Variants in GALM observed in about 807,000 individuals in gnomAD.
GALM encodes the protein aldose 1-epimerase.
GALM carries 43 observed loss-of-function variants against 37.4 expected under a neutral mutation model. That is an observed-to-expected ratio of 1.15 (90% CI 0.90 to 1.48). GALM has a LOEUF of 1.48. Ranked by LOEUF, GALM falls within the 40% of genes most tolerant of loss-of-function variation. GALM has a pLI of 0.00. For synonymous variants in GALM, 199 were observed against 170.6 expected, an observed-to-expected ratio of 1.17 and a Z score of -1.30; for missense variants, 456 against 419.1, an observed-to-expected ratio of 1.09 and a Z score of -0.77.
intron 4 of GALM, among the ~76,000 whole-genome samples, chr2:38,708,129 A>G (rs1666078208): frequency 6.7e-6 from 1 of 149,988 alleles, no homozygotes; most frequent in African/African-American, 2.4e-5. Context: ...AAATAAAATA[A>G]AATAAAATAA....
intron 4 of GALM, among the ~76,000 whole-genome samples, chr2:38,699,330 A>G (rs1194201903): frequency 1.3e-5 from 2 of 152,248 alleles, no homozygotes; most frequent in Non-Finnish European, 2.9e-5. Flanking sequence ...TTTACAATGT[A>G]TAAGGATCAA....
rs767825537 is a variant in GALM, at chr2:38,695,686, CTTGT to C, written c.634+5800_634+5803del. 4.0e-5 allele frequency among the ~76,000 whole-genome samples: 6 copies of C among 149,928 alleles called. No homozygotes were observed. The East Asian group carries it at 5.8e-4, about 14-fold the overall frequency. On this transcript the variant is annotated intron_variant, in intron 4 of 6. Coordinates refer to ENST00000272252, the MANE Select transcript of GALM (RefSeq NM_138801.3). The stretch of plus-strand genomic sequence containing the variant: ...ATGTGTGTGTGGTTTTGTTTGTTTG[CTTGT>C]TTGTTTGCTTGTTTGTTTTTTGAGA...
chr2:38,685,732 T>G (rs1460750611), intron 3 of GALM, among the ~76,000 whole-genome samples: 1 of 149,300 alleles, frequency 6.7e-6, no homozygotes, highest in Non-Finnish European at 1.5e-5. Context: ...TTTTTTATTT[T>G]TTTGAGACGG....
chr2:38,671,531 C>G (rs1665099715), intron 1 of GALM: 2 of 152,086 alleles, frequency 1.3e-5, no homozygotes, highest in East Asian at 3.8e-4. Flanking sequence ...CATGGGGGAA[C>G]CGCCCCCCTG....
intron 1 of GALM, among the ~76,000 whole-genome samples, chr2:38,674,424 G>C (rs952024662): frequency 1.3e-5 from 2 of 152,038 alleles, no homozygotes; most frequent in African/African-American, 4.8e-5. Flanking sequence ...TCTTGACCTC[G>C]TGATCCACCC....
chr2:38,727,464 C>T (rs1055777135), intron 4 of GALM, among the ~76,000 whole-genome samples: 5 of 152,128 alleles, frequency 3.3e-5, no homozygotes, highest in African/African-American at 1.2e-4. Flanking sequence ...TGCAGTGGTT[C>T]ACGCCTGTAA....
intron 4 of GALM, among the ~76,000 whole-genome samples, chr2:38,708,897 G>C (rs558785581): frequency 6.4e-4 from 97 of 152,280 alleles, no homozygotes; most frequent in African/African-American, 2.3e-3. Flanking sequence ...TCAGAGAGCA[G>C]AGGAATCCAG....
chr2:38,668,377 T>C (rs1665008119), intron 1 of GALM: 2 of 152,322 alleles, frequency 1.3e-5, no homozygotes, highest in African/African-American at 4.8e-5. Context: ...TGTTACCCTG[T>C]GTTTGTTGTA....
At chr2:38,666,404 A>T in intron 1 of GALM, 53 bp downstream of exon 1, 1 of 1,351,266 alleles carries the variant, frequency 7.4e-7, no homozygotes, top group Non-Finnish European at 1.0e-6. Flanking sequence ...CACGCTACAT[A>T]CCTCCCGGAT....
chr2:38,709,677 A>G (rs566488638), intron 4 of GALM, among the ~76,000 whole-genome samples: 4 of 152,342 alleles, frequency 2.6e-5, no homozygotes, highest in Admixed American at 1.3e-4. Flanking sequence ...GTGATCTGTG[A>G]AAAATGTATA....
In GALM at chr2:38,680,901, C is replaced by T. The variant is rs184742520; in HGVS notation, c.346-379C>T. ...CTGTAATCTCAGCACCTTGGGAGGCCGAGGCAGGTGGATCACTTGAGGTCA... is the reference window on the plus strand; with the variant it reads ...CTGTAATCTCAGCACCTTGGGAGGCTGAGGCAGGTGGATCACTTGAGGTCA... On this transcript the variant is annotated intron_variant, in intron 2 of 6. Transcript: ENST00000272252. Among the ~76,000 whole-genome samples the T allele has an allele frequency of 6.1e-3, 932 of 152,018 alleles. 11 individuals are homozygous for T. Among genetic ancestry groups the T allele is most frequent in the African/African-American group, 0.021 (881 of 41,458 alleles).
chr2:38,730,456 G>A (rs1031201463), intron 5 of GALM, among the ~76,000 whole-genome samples: 1 of 151,994 alleles, frequency 6.6e-6, no homozygotes, highest in Non-Finnish European at 1.5e-5. Flanking sequence ...TAGTAGAGAT[G>A]GGGTTTCACA....
chr2:38,675,319 T>C (rs1412189426), intron 1 of GALM, among the ~76,000 whole-genome samples: 1 of 152,192 alleles, frequency 6.6e-6, no homozygotes, highest in Non-Finnish European at 1.5e-5. Context: ...ATTTCAGTTT[T>C]TTCTTTGTGC....
chr2:38,688,768 A>T, intron 3 of GALM, among the ~76,000 whole-genome samples: 1 of 151,814 alleles, frequency 6.6e-6, no homozygotes, highest in African/African-American at 2.4e-5. Context: ...CTACACTGTT[A>T]TTCACAAGGA....
chr2:38,691,094 A>G (rs1665662448), intron 4 of GALM, among the ~76,000 whole-genome samples: 1 of 152,194 alleles, frequency 6.6e-6, no homozygotes, highest in Admixed American at 6.5e-5. Flanking sequence ...CAGTAGAACT[A>G]TATGTTGTGA....
At chr2:38,670,836 A>G (rs1665081896) in intron 1 of GALM, among the ~76,000 whole-genome samples, 1 of 152,250 alleles carries the variant, frequency 6.6e-6, no homozygotes, top group Non-Finnish European at 1.5e-5. Context: ...ATTATCTGAG[A>G]TTACTAAAGT....
intron 4 of GALM, among the ~76,000 whole-genome samples, chr2:38,716,098 T>C (rs1231044114): frequency 6.6e-6 from 1 of 152,232 alleles, no homozygotes; most frequent in Non-Finnish European, 1.5e-5. Context: ...CCATGACTTC[T>C]GGGATCCACT....
chr2:38,677,453 C>T (rs764627263), intron 2 of GALM, among the ~76,000 whole-genome samples: 4 of 152,176 alleles, frequency 2.6e-5, no homozygotes, highest in Non-Finnish European at 4.4e-5. Context: ...TGATGGGATT[C>T]TTCATGCCAG....
rs1195860595 is a variant in GALM at position 38,734,405 on chromosome 2, GAAA to G, written c.*846_*848del. 1 of 142,008 alleles carries G rather than the reference GAAA, an allele frequency of 7.0e-6. No homozygotes were observed. Among genetic ancestry groups the G allele is most frequent in the African/African-American group, 2.6e-5 (1 of 38,134 alleles). 8.8% of individuals were successfully genotyped at this position (142,008 alleles called of 1,614,324 possible). A position where few individuals can be genotyped will look rare whatever the true frequency, so the allele number is the denominator to read the frequency against. On this transcript the variant is annotated 3_prime_UTR_variant, in exon 7 of 7. Coordinates refer to ENST00000272252, the MANE Select transcript of GALM (RefSeq NM_138801.3). ...TCTCAAAAAAAAAAAAAAAAAAAAG[GAAA>G]AAAAAGCAGCTCTCTCTCTCGGGAG...
Sources: gnomAD v4.1 joint callset for allele counts (sites outside exome capture counted in the v4.1 genomes callset) on GRCh38, gnomAD v4.1.1 for gene constraint, MANE v1.5 for transcripts, NCBI Gene and HGNC (gene_info 2026-07-23, HGNC 2026-07-21) for gene names.